Variants in CPEB3 observed in about 807,000 individuals in gnomAD.
The protein encoded by CPEB3 is cytoplasmic polyadenylation element binding protein 3.
A neutral mutation model predicts 67.2 loss-of-function variants in CPEB3; 20 were observed. The observed-to-expected ratio is 0.30, with a 90% confidence interval of 0.21 to 0.43. The LOEUF is 0.43. Ranked by LOEUF, CPEB3 falls within the 20% of genes least tolerant of loss-of-function variation. CPEB3 has a pLI of 1.00. For synonymous variants in CPEB3, 376 were observed against 393.1 expected (o/e 0.96, Z 0.51); for missense variants, 746 against 968.6 (o/e 0.77, Z 3.05).
intron 6 of CPEB3, among the ~76,000 whole-genome samples, chr10:92,134,398 G>C (rs1465512291): frequency 2.0e-5 from 3 of 151,812 alleles, no homozygotes; most frequent in African/African-American, 7.3e-5. Context: ...AATCATGAGT[G>C]AACTCCCATT....
Position 92,239,948 on chromosome 10 carries a change from G to A in CPEB3, c.403C>T (p.Leu135Phe), listed in dbSNP as rs761664031. The A allele has an allele frequency of 4.3e-6, 7 of 1,613,442 alleles. No individual in the cohort carries two copies. The highest frequency in any genetic ancestry group is 5.9e-6 in the Non-Finnish European group (7 of 1,179,732). The change falls in exon 2 of 10, where the codon CTC becomes TTC. Residue 135 changes from leucine (L) to phenylalanine (F), a missense_variant. By Grantham distance (22) the Leu-to-Phe change is conservative. Coordinates refer to ENST00000265997, the MANE Select transcript of CPEB3 (RefSeq NM_014912.5). This position sits in a 1 kb window ranked among gnomAD's most constrained non-coding sequence, Gnocchi z 6.0. ...ACATGGTGCGGGAAGTTCTGGAAGA[G>A]CATGGTCCCGTTGACTGGGGTGATC... ...QGITPVNGTM[L>F]FQNFPHHVNP... is the part of the protein sequence containing the mutation.
chr10:92,225,965 C>T (rs1380457481), intron 2 of CPEB3, among the ~76,000 whole-genome samples: 1 of 152,114 alleles, frequency 6.6e-6, no homozygotes, highest in African/African-American at 2.4e-5. Flanking sequence ...GGCGTGGTGG[C>T]AAGCACCTGT....
intron 1 of CPEB3, among the ~76,000 whole-genome samples, chr10:92,277,019 C>G (rs1842020807): frequency 6.6e-6 from 1 of 152,052 alleles, no homozygotes; most frequent in Non-Finnish European, 1.5e-5. Context: ...CTTTAATTAT[C>G]TTTATATTAT....
intron 2 of CPEB3, among the ~76,000 whole-genome samples, chr10:92,233,355 C>A (rs981499202): frequency 2.0e-5 from 3 of 151,674 alleles, no homozygotes; most frequent in Non-Finnish European, 4.4e-5. Flanking sequence ...ATGGTGAAAC[C>A]CCGTCACCCT....
intron 6 of CPEB3, among the ~76,000 whole-genome samples, chr10:92,134,043 A>T (rs1220251626): frequency 6.6e-6 from 1 of 152,212 alleles, no homozygotes. Context: ...TATTTACGAC[A>T]AACCCACAGC....
chr10:92,066,296 A>T (rs1842545287), intron 9 of CPEB3, among the ~76,000 whole-genome samples: 1 of 152,162 alleles, frequency 6.6e-6, no homozygotes, highest in South Asian at 2.1e-4. Context: ...TTGTCTGGGT[A>T]TGGTGAGGTG....
chr10:92,240,204 T>C lies in CPEB3; in HGVS notation c.147A>G (p.Glu49=). The change falls in exon 2 of 10, where the codon GAA becomes GAG. Residue 49 remains glutamate, a synonymous_variant. Transcript: ENST00000265997. ...PLSSETPKPE[E]NSAVPALSPA... is the part of the protein sequence containing the mutation. ...GGCTGAGGGCCGGCACTGCGCTGTT[T>C]TCCTCCGGCTTGGGGGTCTCTGAGG... 6.6e-7 allele frequency: 1 copy of C among 1,513,888 alleles called. No individual in the cohort carries two copies. Among genetic ancestry groups the C allele is most frequent in the South Asian group, 1.3e-5 (1 of 77,442 alleles). The allele number at this position is 1,513,888 out of a possible 1,614,324, so 93.8% of individuals were successfully genotyped here.
chr10:92,186,206 CACAAAAAAAAAAAAAAT>C (rs1284861354), intron 3 of CPEB3, among the ~76,000 whole-genome samples: 2 of 91,572 alleles, frequency 2.2e-5, no homozygotes, highest in East Asian at 2.7e-4. Flanking sequence ...ACCCTGTCTC[CACAAAAAAAAAAAAAAT>C]ACAAAAAAAA....
intron 4 of CPEB3, among the ~76,000 whole-genome samples, chr10:92,145,511 C>T (rs1846636234): frequency 6.6e-6 from 1 of 152,032 alleles, no homozygotes; most frequent in African/African-American, 2.4e-5. Flanking sequence ...TGCATGTAAT[C>T]CCAGCTACTC....
In CPEB3 at chr10:92,095,669, A is replaced by T. The variant is rs553519967; in HGVS notation, c.1573-3725T>A. 1.7e-3 allele frequency among the ~76,000 whole-genome samples: 258 copies of T among 148,096 alleles called. 2 individuals carry two copies. Among genetic ancestry groups the T allele is most frequent in the Non-Finnish European group, 3.1e-3 (211 of 67,412 alleles). ...AATATATATACTTCATTGTAATATCATACTTTATAAGCTAATTCAAATATT... is the reference window on the plus strand; with the variant it reads ...AATATATATACTTCATTGTAATATCTTACTTTATAAGCTAATTCAAATATT... On this transcript the variant is annotated intron_variant, in intron 7 of 9. Coordinates refer to ENST00000265997, the MANE Select transcript of CPEB3 (RefSeq NM_014912.5).
intron 3 of CPEB3, among the ~76,000 whole-genome samples, chr10:92,191,421 T>A (rs997973138): frequency 6.6e-6 from 1 of 151,348 alleles, no homozygotes. Context: ...AAAAAAAAAA[T>A]AAACTCACTT....
intron 3 of CPEB3, among the ~76,000 whole-genome samples, chr10:92,182,325 G>A (rs1290380134): frequency 2.6e-5 from 4 of 152,176 alleles, no homozygotes; most frequent in Admixed American, 6.5e-5. Flanking sequence ...GGTAAACTCC[G>A]TTACAGGGGA....
intron 2 of CPEB3, among the ~76,000 whole-genome samples, chr10:92,199,299 G>A (rs1390665569): frequency 1.3e-5 from 2 of 151,256 alleles, no homozygotes; most frequent in Non-Finnish European, 2.9e-5. Flanking sequence ...GCTGAGGCAG[G>A]AGAATCTCTT....
rs188341414 is a variant in CPEB3 at position 92,144,158 on chromosome 10, A to C, written c.1363+787T>G. On this transcript the variant is annotated intron_variant, in intron 5 of 9. Transcript: ENST00000265997. Reference sequence around the variant, plus strand: ...AATAAACTGGCTTTAGGCATAAGTGAACACTCACTTTTGGACTGATAGCAT... The same window carrying C: ...AATAAACTGGCTTTAGGCATAAGTGCACACTCACTTTTGGACTGATAGCAT... Among the ~76,000 whole-genome samples, 100 of 152,348 alleles carry C rather than the reference A, an allele frequency of 6.6e-4. 1 individual carries two copies. Among genetic ancestry groups the C allele is most frequent in the Non-Finnish European group, 1.3e-3 (88 of 68,032 alleles).
At chr10:92,265,572 C>A (rs994340812) in intron 1 of CPEB3, among the ~76,000 whole-genome samples, 2 of 152,020 alleles carry the variant, frequency 1.3e-5, no homozygotes, top group Non-Finnish European at 1.5e-5. Context: ...GCCCGGCCAA[C>A]ATGGTGAAAC....
intron 6 of CPEB3, chr10:92,137,722 G>GGC (rs1846172836): frequency 4.9e-6 from 2 of 409,074 alleles, no homozygotes; most frequent in East Asian, 1.0e-4. Flanking sequence ...GGCTCGGCTG[G>GGC]GTGCAGTGGC....
At chr10:92,199,760 A>C (rs922924196) in intron 2 of CPEB3, among the ~76,000 whole-genome samples, 1 of 151,396 alleles carries the variant, frequency 6.6e-6, no homozygotes, top group Non-Finnish European at 1.5e-5. Flanking sequence ...CTTATTTTCT[A>C]CTCAGTATAT....
chr10:92,113,774 C>G (rs1844866997), intron 6 of CPEB3, among the ~76,000 whole-genome samples: 1 of 151,778 alleles, frequency 6.6e-6, no homozygotes, highest in Non-Finnish European at 1.5e-5. Flanking sequence ...AGCAGCTGAG[C>G]AGCTCCCACA....
intron 4 of CPEB3, among the ~76,000 whole-genome samples, chr10:92,156,408 G>T (rs532299621): frequency 6.6e-6 from 1 of 152,080 alleles, no homozygotes; most frequent in South Asian, 2.1e-4. Context: ...GACACAAAGC[G>T]GTGTTTCAGA....
Sources: allele counts gnomAD v4.1 joint callset (sites outside exome capture counted in the v4.1 genomes callset), GRCh38; gene constraint gnomAD v4.1.1; non-coding constraint Gnocchi (gnomAD v3.1); transcripts MANE v1.5; gene names NCBI Gene and HGNC (gene_info 2026-07-23, HGNC 2026-07-21).